Variants in NOL4L observed in about 807,000 individuals in gnomAD.
The protein encoded by NOL4L is nucleolar protein 4 like.
Under a neutral mutation model 64.5 loss-of-function variants are expected in NOL4L, and 7 were observed. The ratio of observed to expected loss-of-function variants is 0.11; its 90% confidence interval spans 0.06 to 0.20. The LOEUF is 0.20. Among genes scored for constraint, NOL4L ranks in the 10% least tolerant of loss-of-function variants. The pLI is 1.00. For missense variants in NOL4L, 680 were observed against 967.1 expected (o/e 0.70, Z 3.94); for synonymous variants, 413 against 401.0 (o/e 1.03, Z -0.36).
intron 2 of NOL4L, among the ~76,000 whole-genome samples, chr20:32,524,113 A>C (rs1287227025): frequency 6.6e-6 from 1 of 152,176 alleles, no homozygotes; most frequent in African/African-American, 2.4e-5. Context: ...AAAGGAAGCA[A>C]AAGGGCTTGT....
chr20:32,456,694 C>T (rs993212350), intron 5 of NOL4L, among the ~76,000 whole-genome samples: 1 of 152,290 alleles, frequency 6.6e-6, no homozygotes, highest in Non-Finnish European at 1.5e-5. Context: ...TAAGGGAGAC[C>T]GAGCTCCAAG....
At chr20:32,465,939 C>T (rs2014507864) in intron 5 of NOL4L, among the ~76,000 whole-genome samples, 1 of 151,572 alleles carries the variant, frequency 6.6e-6, no homozygotes, top group South Asian at 2.1e-4. Flanking sequence ...GCACTGATCC[C>T]CACGTGGCCC....
chr20:32,567,795 T>C (rs957081540), intron 1 of NOL4L, among the ~76,000 whole-genome samples: 3 of 152,098 alleles, frequency 2.0e-5, no homozygotes, highest in African/African-American at 7.2e-5. Context: ...TCAATAAACA[T>C]GAGCTGACAC....
intron 1 of NOL4L, among the ~76,000 whole-genome samples, chr20:32,582,337 G>A (rs899045294): frequency 9.9e-5 from 15 of 152,194 alleles, no homozygotes; most frequent in Admixed American, 6.5e-5. Flanking sequence ...GACTGGGGAC[G>A]GTCGCGCTGC....
At chr20:32,569,789 A>G (rs73906159) in intron 1 of NOL4L, among the ~76,000 whole-genome samples, 3,867 of 152,260 alleles carry the variant, frequency 0.025, 163 homozygotes, top group African/African-American at 0.086. Context: ...GTTCACCACC[A>G]CAGAGGCGGT....
At chr20:32,554,977 C>A (rs1443231187) in intron 1 of NOL4L, among the ~76,000 whole-genome samples, 1 of 152,172 alleles carries the variant, frequency 6.6e-6, no homozygotes, top group Non-Finnish European at 1.5e-5. Flanking sequence ...GAAATGGATC[C>A]AGTAACAAAG....
At chr20:32,563,478 G>A (rs1979223121) in intron 1 of NOL4L, among the ~76,000 whole-genome samples, 1 of 151,952 alleles carries the variant, frequency 6.6e-6, no homozygotes, top group Admixed American at 6.5e-5. Context: ...CTTGCCTAAG[G>A]GCCTGAGGCC....
At chr20:32,526,820 T>C (rs2018149909) in intron 2 of NOL4L, among the ~76,000 whole-genome samples, 1 of 152,200 alleles carries the variant, frequency 6.6e-6, no homozygotes, top group Non-Finnish European at 1.5e-5. Flanking sequence ...TGAATGAGCA[T>C]GAAGGGCTTG....
chr20:32,556,652 A>G (rs1041590807), intron 1 of NOL4L, among the ~76,000 whole-genome samples: 96 of 152,334 alleles, frequency 6.3e-4, no homozygotes, highest in Non-Finnish European at 1.8e-4. Context: ...ATCTCCAGGC[A>G]TATCAGCGAA....
rs1282816611 is a variant in NOL4L, at chr20:32,452,390, G to A, written c.1668C>T (p.Ala556=). Residue 556 remains alanine (A), a synonymous_variant, in exon 10 of 11, where the codon GCC becomes GCT. Coordinates refer to ENST00000621426, the MANE Select transcript of NOL4L (RefSeq NM_001256798.2). ...GCAGTGAGTAGGTGGAGTGGGTGAT[G>A]GCTGCGGAGTCCCGCGAGTGCTGCT... ...LDKQHSRDSA[A]ITHSTYSLPA... is the part of the protein sequence containing the mutation. 6.2e-7 allele frequency: 1 copy of A among 1,611,382 alleles called. No homozygotes were observed. Among genetic ancestry groups the A allele is most frequent in the African/African-American group, 1.3e-5 (1 of 74,866 alleles).
intron 6 of NOL4L, among the ~76,000 whole-genome samples, chr20:32,454,845 G>A (rs1349736118): frequency 6.6e-6 from 1 of 152,228 alleles, no homozygotes; most frequent in Non-Finnish European, 1.5e-5. Flanking sequence ...GCCCGGAAGG[G>A]AACAGCACTC....
At chr20:32,482,024 C>A (rs1307666834) in intron 4 of NOL4L, among the ~76,000 whole-genome samples, 1 of 151,180 alleles carries the variant, frequency 6.6e-6, no homozygotes, top group East Asian at 2.0e-4. Context: ...GGCTTTATCT[C>A]AAGGGAGAAT....
At chr20:32,567,921 CCAT>C (rs140917640) in intron 1 of NOL4L, among the ~76,000 whole-genome samples, 11,370 of 151,558 alleles carry the variant, frequency 0.075, 1,037 homozygotes, top group African/African-American at 0.22. Flanking sequence ...ATTACCACCA[CCAT>C]CATCATCATC....
At chr20:32,519,470 G>A (rs901620324) in intron 3 of NOL4L, 3 of 82,446 alleles carry the variant, frequency 3.6e-5, no homozygotes, top group Admixed American at 2.5e-4. Flanking sequence ...TTCCATCCTC[G>A]GGCCTGACTT....
chr20:32,471,331 C>T lies in NOL4L; in HGVS notation c.841+3270G>A, dbSNP rs368802829. On this transcript the variant is annotated intron_variant, in intron 5 of 10. Coordinates refer to ENST00000621426, the MANE Select transcript of NOL4L (RefSeq NM_001256798.2). Reference sequence around the variant, plus strand: ...TGCTCCTGGGGAGTGAGAGCAGACACTCATCCCGGTAGAGGCTCAGAGGCA... The same window carrying T: ...TGCTCCTGGGGAGTGAGAGCAGACATTCATCCCGGTAGAGGCTCAGAGGCA... 1.9e-4 allele frequency among the ~76,000 whole-genome samples: 28 copies of T among 150,372 alleles called. No individual in the cohort carries two copies. In the East Asian group the frequency reaches 3.9e-3, roughly 21 times the overall value.
chr20:32,576,720 C>T (rs1229887618), intron 1 of NOL4L, among the ~76,000 whole-genome samples: 3 of 152,208 alleles, frequency 2.0e-5, no homozygotes, highest in Non-Finnish European at 4.4e-5. Context: ...CCACGACTCC[C>T]GTCTGCTAGC....
chr20:32,463,812 A>T lies in NOL4L; in HGVS notation c.842-7417T>A, dbSNP rs990152429. On this transcript the variant is annotated intron_variant, in intron 5 of 10. Coordinates refer to ENST00000621426, the MANE Select transcript of NOL4L (RefSeq NM_001256798.2). This position sits in a 1 kb window ranked among gnomAD's most constrained non-coding sequence, Gnocchi z 5.8. ...ACACCGCGCTCTGGGGCCCACAGCC[A>T]GTGGCACCCTCTCCCGGTGGGCGAC... Among the ~76,000 whole-genome samples, 2 of 151,956 alleles carry T rather than the reference A, an allele frequency of 1.3e-5. No homozygotes were observed. Among genetic ancestry groups the T allele is most frequent in the African/African-American group, 4.8e-5 (2 of 41,398 alleles).
rs151337603 is a variant in NOL4L at position 32,549,439 on chromosome 20, T to C, written c.322-21526A>G. 7.8e-4 allele frequency among the ~76,000 whole-genome samples: 118 copies of C among 152,196 alleles called. 1 individual carries two copies. In the Middle Eastern group the frequency reaches 0.02, roughly 26 times the overall value. On this transcript the variant is annotated intron_variant, in intron 1 of 10. Coordinates refer to ENST00000621426, the MANE Select transcript of NOL4L (RefSeq NM_001256798.2). ...GTCACTTCACACCCACTAGGATGGC[T>C]CTAATCAAAAAGACAGCCAATAACA...
At chr20:32,474,500 A>T in intron 5 of NOL4L, 101 bp downstream of exon 5, 1 of 1,408,502 alleles carries the variant, frequency 7.1e-7, no homozygotes, top group Non-Finnish European at 9.3e-7. Flanking sequence ...CTTGGCCCAG[A>T]TTCCGCCACC....
Sources: gnomAD v4.1 joint callset for allele counts (sites outside exome capture counted in the v4.1 genomes callset) on GRCh38, gnomAD v4.1.1 for gene constraint, Gnocchi (gnomAD v3.1) non-coding constraint, MANE v1.5 for transcripts, NCBI Gene and HGNC (gene_info 2026-07-23, HGNC 2026-07-21) for gene names.